Variants in IBTK observed in about 807,000 individuals in gnomAD.
IBTK encodes the protein BTK-binding protein.
In IBTK, 83 loss-of-function variants were observed where a neutral mutation model predicts 154.9. That is an observed-to-expected ratio of 0.54 (90% CI 0.45 to 0.64). IBTK has a LOEUF of 0.64. Among genes scored for constraint, IBTK ranks in the 30% least tolerant of loss-of-function variants. The pLI, the probability that IBTK is intolerant of heterozygous loss-of-function variation, is 0.00. For missense variants in IBTK, 1,332 were observed against 1,584.6 expected (o/e 0.84, Z 2.71); for synonymous variants, 515 against 536.1 (o/e 0.96, Z 0.54).
chr6:82,191,706 T>A (rs765596418), intron 24 of IBTK, 81 bp downstream of exon 24: 5 of 877,192 alleles, frequency 5.7e-6, no homozygotes, highest in South Asian at 4.1e-5. Flanking sequence ...AGAAAAATAA[T>A]AAGAAAGATG....
intron 26 of IBTK, among the ~76,000 whole-genome samples, chr6:82,176,026 T>C (rs1768100346): frequency 6.7e-6 from 1 of 148,568 alleles, no homozygotes; most frequent in African/African-American, 2.5e-5. Flanking sequence ...CGAAACTCCA[T>C]CTCAAAAAAA....
chr6:82,225,098 G>C (rs906857562), intron 6 of IBTK, among the ~76,000 whole-genome samples: 1 of 151,220 alleles, frequency 6.6e-6, no homozygotes, highest in Non-Finnish European at 1.5e-5. Context: ...TCAGGAGTTT[G>C]AGACCAGCCT....
chr6:82,225,096 T>C (rs1770244492), intron 6 of IBTK, among the ~76,000 whole-genome samples: 1 of 151,886 alleles, frequency 6.6e-6, no homozygotes, highest in African/African-American at 2.4e-5. Context: ...GGTCAGGAGT[T>C]TGAGACCAGC....
chr6:82,186,965 G>C (rs186123999), intron 25 of IBTK, among the ~76,000 whole-genome samples: 1 of 146,070 alleles, frequency 6.8e-6, no homozygotes, highest in East Asian at 2.0e-4. Context: ...GCCCAGGCTG[G>C]AGTGTGGTGG....
chr6:82,212,944 C>T, intron 12 of IBTK, 151 bp from the exon 13 acceptor site: 1 of 580,996 alleles, frequency 1.7e-6, no homozygotes, highest in Non-Finnish European at 3.0e-6. Context: ...AAAGAAATAT[C>T]ATACTTTTTC....
chr6:82,182,038 A>C lies in IBTK; in HGVS notation c.3576-10T>G. 2.5e-6 allele frequency: 4 copies of C among 1,587,640 alleles called. No individual in the cohort carries two copies. The highest frequency in any genetic ancestry group is 3.4e-6 in the Non-Finnish European group (4 of 1,174,386). ...ATGCAGAGAAGATGCCCTGCAAAAGAAAGCAAAGATCATGTTAAAACATCC... is the reference window on the plus strand; with the variant it reads ...ATGCAGAGAAGATGCCCTGCAAAAGCAAGCAAAGATCATGTTAAAACATCC... On this transcript the variant is annotated splice_polypyrimidine_tract_variant and intron_variant, in intron 25 of 28. Coordinates refer to ENST00000306270, the MANE Select transcript of IBTK (RefSeq NM_015525.4).
At chr6:82,226,918 T>C (rs986465956) in intron 5 of IBTK, among the ~76,000 whole-genome samples, 2 of 152,244 alleles carry the variant, frequency 1.3e-5, no homozygotes, top group African/African-American at 4.8e-5. Context: ...GTCTGCCTTC[T>C]TCTATTTCAA....
intron 13 of IBTK, among the ~76,000 whole-genome samples, chr6:82,211,780 C>T (rs982062396): frequency 3.9e-5 from 6 of 151,936 alleles, no homozygotes; most frequent in African/African-American, 1.2e-4. Flanking sequence ...AAAAGGGAGC[C>T]GAATACAAAT....
rs988640106 is a variant in IBTK, at chr6:82,247,061, C to A, written c.-358+501G>T. 6.6e-4 allele frequency among the ~76,000 whole-genome samples: 69 copies of A among 104,664 alleles called. No homozygotes were observed. In the Admixed American group the frequency reaches 7.0e-3, roughly 11 times the overall value. 68.7% of individuals were successfully genotyped at this position (104,664 alleles called of 152,430 possible). A position where few individuals can be genotyped will look rare whatever the true frequency, so the allele number is the denominator to read the frequency against. On this transcript the variant is annotated intron_variant, in intron 1 of 28. Coordinates refer to ENST00000306270, the MANE Select transcript of IBTK (RefSeq NM_015525.4). ...GGCCTGTCTTCTCTGTCTCTCTCAA[C>A]CCTCCACCCTCCAAAAAGAATCAGT... is the stretch of plus-strand genomic sequence containing the variant.
chr6:82,178,925 A>G (rs1438146451), intron 26 of IBTK, among the ~76,000 whole-genome samples: 1 of 152,258 alleles, frequency 6.6e-6, no homozygotes, highest in Non-Finnish European at 1.5e-5. Flanking sequence ...AAATCAAGTT[A>G]AAGACAGTTG....
intron 2 of IBTK, among the ~76,000 whole-genome samples, chr6:82,238,191 C>T (rs9353061): frequency 2.0e-5 from 3 of 151,534 alleles, no homozygotes; most frequent in Admixed American, 6.6e-5. Flanking sequence ...TTGCAGTGAG[C>T]GGAGATCACA....
intron 1 of IBTK, among the ~76,000 whole-genome samples, chr6:82,242,027 T>A (rs1770971909): frequency 1.3e-5 from 2 of 152,242 alleles, no homozygotes; most frequent in South Asian, 4.1e-4. Context: ...ATGATTATAA[T>A]CTTCTCTATT....
chr6:82,198,592 A>G (rs1004198974), intron 21 of IBTK, among the ~76,000 whole-genome samples: 1 of 152,130 alleles, frequency 6.6e-6, no homozygotes, highest in Admixed American at 6.5e-5. Flanking sequence ...GCCCTGCCTA[A>G]CAAGCTTTTT....
At position 82,247,710 on chromosome 6, in the gene IBTK, A is replaced by G; in HGVS notation, c.-506T>C. 2.5e-6 allele frequency: 1 copy of G among 398,514 alleles called. No individual in the cohort carries two copies. Among genetic ancestry groups the G allele is most frequent in the Non-Finnish European group, 4.4e-6 (1 of 226,054 alleles). 24.7% of individuals were successfully genotyped at this position (398,514 alleles called of 1,614,324 possible). A position where few individuals can be genotyped will look rare whatever the true frequency, so the allele number is the denominator to read the frequency against. ...CGGGTCAGTTCGGCAGGCGGCTGCA[A>G]TACAGCCGCTACTACAGGAATCGGG... On this transcript the variant is annotated 5_prime_UTR_variant, in exon 1 of 29. Coordinates refer to ENST00000306270, the MANE Select transcript of IBTK (RefSeq NM_015525.4).
At chr6:82,182,731 C>G (rs1483769496) in intron 25 of IBTK, among the ~76,000 whole-genome samples, 1 of 152,094 alleles carries the variant, frequency 6.6e-6, no homozygotes, top group Non-Finnish European at 1.5e-5. Context: ...CAAAGCTAAA[C>G]AGAAAATCTT....
intron 20 of IBTK, 72 bp from the exon 21 acceptor site, chr6:82,200,325 A>G: frequency 9.4e-7 from 1 of 1,062,898 alleles, no homozygotes; most frequent in East Asian, 2.4e-5. Context: ...ATTTAACCCA[A>G]CATGTTTAAC....
chr6:82,235,873 TG>T (rs1310696424), intron 2 of IBTK, among the ~76,000 whole-genome samples: 19 of 151,906 alleles, frequency 1.3e-4, no homozygotes, highest in Admixed American at 1.0e-3. Flanking sequence ...TTGTTGTTAT[TG>T]TTTTTTTTGG....
chr6:82,170,123 A>C lies in IBTK; in HGVS notation c.*1302T>G, dbSNP rs1368418088. On this transcript the variant is annotated 3_prime_UTR_variant, in exon 29 of 29. Transcript: ENST00000306270. ...CCTTTTTAAATCCGTCTTAGAATAA[A>C]TACAGCATCAACTTAACCATATACT... 1 of 152,314 alleles carries C rather than the reference A, an allele frequency of 6.6e-6. No individual in the cohort carries two copies. The highest frequency in any genetic ancestry group is 1.5e-5 in the Non-Finnish European group (1 of 68,052). The allele number at this position is 152,314 out of a possible 1,614,324, so 9.4% of individuals were successfully genotyped here.
rs1768909644 is a variant in IBTK, at chr6:82,194,598, A to G, written c.3219T>C (p.Ser1073=). 6.2e-7 allele frequency: 1 copy of G among 1,610,226 alleles called. No homozygotes were observed. Among genetic ancestry groups the G allele is most frequent in the African/African-American group, 1.3e-5 (1 of 74,812 alleles). The part of the protein sequence containing the change: ...PYVNGTSPVY[S]REDLKPWEKS... ...TTTCCCATGGTTTTAAATCTTCCCT[A>G]GAATACACAGGAGATGTACCATTAA... The change falls in exon 23 of 29, where the codon TCT becomes TCC. Residue 1073 remains serine, a synonymous_variant. Coordinates refer to ENST00000306270, the MANE Select transcript of IBTK (RefSeq NM_015525.4).
Sources: gnomAD v4.1 joint callset for allele counts (sites outside exome capture counted in the v4.1 genomes callset) on GRCh38, gnomAD v4.1.1 for gene constraint, MANE v1.5 for transcripts, NCBI Gene and HGNC (gene_info 2026-07-23, HGNC 2026-07-21) for gene names.